Variants in COQ10A observed in about 807,000 individuals in gnomAD.
The protein encoded by COQ10A is coenzyme Q10A.
COQ10A carries 25 observed loss-of-function variants against 26.1 expected under a neutral mutation model. That is an observed-to-expected ratio of 0.96 (90% CI 0.70 to 1.34). The LOEUF (loss-of-function observed/expected upper bound fraction) is 1.34. Among genes scored for constraint, COQ10A ranks in the 40% most tolerant of loss-of-function variants. The pLI is 0.00. For synonymous variants in COQ10A, 132 were observed against 124.0 expected, an observed-to-expected ratio of 1.06 and a Z score of -0.43; for missense variants, 312 against 335.4, an observed-to-expected ratio of 0.93 and a Z score of 0.54.
rs761573574 is a variant in COQ10A at position 56,267,776 on chromosome 12, T to G, written c.135-18T>G. The G allele has an allele frequency of 4.3e-6, 7 of 1,614,188 alleles. No homozygotes were observed. The Admixed American group carries it at 1.2e-4, about 27-fold the overall frequency. On this transcript the variant is annotated intron_variant, in intron 1 of 4. Coordinates refer to ENST00000308197, the MANE Select transcript of COQ10A (RefSeq NM_144576.4). The stretch of plus-strand genomic sequence containing the variant: ...TACGAAGAACTATACGGTTGGCTCC[T>G]CTTTCCTTTGGCCTTAGGTTTCTGA...
rs373256704 is a variant in COQ10A at position 56,270,300 on chromosome 12, G to A, written c.727G>A (p.Glu243Lys). Residue 243 changes from glutamate to lysine, a missense_variant, in exon 5 of 5, where the codon GAG (glutamate) becomes AAG (lysine). Physicochemically the swap from Glu to Lys is moderately conservative, Grantham distance 56 (BLOSUM62 1). Coordinates refer to ENST00000308197, the MANE Select transcript of COQ10A (RefSeq NM_144576.4). ...CATCCCCCGTGAACTGATGTTCCAT[G>A]AGGTGCACCAGACTTGAGGCAAGGG... ...TAIPRELMFHEVHQT is the reference protein window; with the variant it reads ...TAIPRELMFHKVHQT 2 of 1,614,068 alleles carry A rather than the reference G, an allele frequency of 1.2e-6. No homozygotes were observed. The highest frequency in any genetic ancestry group is 1.7e-6 in the Non-Finnish European group (2 of 1,179,970).
chr12:56,268,042 C>A, intron 2 of COQ10A, 102 bp downstream of exon 2: 1 of 1,408,628 alleles, frequency 7.1e-7, no homozygotes, highest in Non-Finnish European at 9.8e-7. Context: ...AGATTCATCC[C>A]TAGCCATCCC....
chr12:56,270,398 C>A lies in COQ10A; in HGVS notation c.*81C>A. ...TATTTATTTGGTTTGGCTCCTGTTC[C>A]AATTTGAAAGGAGTCTGTGTTCATA... is the stretch of plus-strand genomic sequence containing the variant. On this transcript the variant is annotated 3_prime_UTR_variant, in exon 5 of 5. Transcript: ENST00000308197. 1.4e-6 allele frequency: 2 copies of A among 1,432,862 alleles called. No homozygotes were observed. Among genetic ancestry groups the A allele is most frequent in the East Asian group, 2.3e-5 (1 of 42,950 alleles). The allele number at this position is 1,432,862 out of a possible 1,614,324, so 88.8% of individuals were successfully genotyped here. A position where few individuals can be genotyped will look rare whatever the true frequency, so the allele number is the denominator to read the frequency against.
chr12:56,267,658 C>T, intron 1 of COQ10A, 136 bp from the exon 2 acceptor site: 2 of 1,294,880 alleles, frequency 1.5e-6, no homozygotes, highest in South Asian at 2.4e-5. Flanking sequence ...GAGAGCCTAG[C>T]GGGCTGCAGC....
In COQ10A at chr12:56,270,586, A is replaced by G. The variant is rs1311101870; in HGVS notation, c.*269A>G. On this transcript the variant is annotated 3_prime_UTR_variant, in exon 5 of 5. Transcript: ENST00000308197. ...TGCAGCCTTTTCACTACGAATTAGA[A>G]TAAGGACTATGTGGTTGTCTCTGGA... 2.3e-5 allele frequency: 9 copies of G among 396,148 alleles called. No individual in the cohort carries two copies. Among genetic ancestry groups the G allele is most frequent in the Non-Finnish European group, 4.6e-6 (1 of 218,308 alleles). The allele number at this position is 396,148 out of a possible 1,614,324, so 24.5% of individuals were successfully genotyped here.
chr12:56,268,886 T>C (rs781504982), intron 2 of COQ10A, 173 bp from the exon 3 acceptor site: 2 of 595,082 alleles, frequency 3.4e-6, no homozygotes, highest in Non-Finnish European at 6.1e-6. Context: ...AAGGTAACAG[T>C]ATCATAAGGA....
rs539883215 is a variant in COQ10A at position 56,269,109 on chromosome 12, G to C, written c.332G>C (p.Arg111Pro). ...GTGGTGTCCAACGTCCAGGAGTATCGTGAGTTTGTGCCCTGGTGTAAGAAG... is the reference window on the plus strand; with the variant it reads ...GTGGTGTCCAACGTCCAGGAGTATCCTGAGTTTGTGCCCTGGTGTAAGAAG... ...YEVVSNVQEY[R>P]EFVPWCKKSL... The change falls in exon 3 of 5, where the codon CGT (arginine) becomes CCT (proline). Residue 111 changes from arginine to proline, a missense_variant. Coordinates refer to ENST00000308197, the MANE Select transcript of COQ10A (RefSeq NM_144576.4). The C allele has an allele frequency of 1.2e-6, 2 of 1,614,076 alleles. No homozygotes were observed. The highest frequency in any genetic ancestry group is 1.7e-6 in the Non-Finnish European group (2 of 1,180,014).
chr12:56,268,396 G>C (rs1241041846), intron 2 of COQ10A: 1 of 171,746 alleles, frequency 5.8e-6, no homozygotes, highest in African/African-American at 2.4e-5. Flanking sequence ...CAGGATAATC[G>C]CTGGAACCTG....
rs1397063488 is a variant in COQ10A at position 56,270,368 on chromosome 12, T to C, written c.*51T>C. On this transcript the variant is annotated 3_prime_UTR_variant, in exon 5 of 5. Transcript: ENST00000308197. Reference sequence around the variant, plus strand: ...CTTCTACCCCACTTCCCTACACAATTCTCTTATTTATTTGGTTTGGCTCCT... The same window carrying C: ...CTTCTACCCCACTTCCCTACACAATCCTCTTATTTATTTGGTTTGGCTCCT... 1 of 1,554,166 alleles carries C rather than the reference T, an allele frequency of 6.4e-7. No individual in the cohort carries two copies. Among genetic ancestry groups the C allele is most frequent in the South Asian group, 1.2e-5 (1 of 85,874 alleles).
At position 56,267,022 on chromosome 12, in the gene COQ10A, C is replaced by G; in HGVS notation, c.-97C>G. On this transcript the variant is annotated 5_prime_UTR_variant, in exon 1 of 5. Transcript: ENST00000308197. The stretch of plus-strand genomic sequence containing the variant: ...CCCGTCGCCCCTGCGCTCAGAGGTC[C>G]CGAACCAGCCCAGCCGCTGCCTCTT... 8.5e-7 allele frequency: 1 copy of G among 1,180,496 alleles called. No individual in the cohort carries two copies. Among genetic ancestry groups the G allele is most frequent in the East Asian group, 3.7e-5 (1 of 27,338 alleles). 73.1% of individuals were successfully genotyped at this position (1,180,496 alleles called of 1,614,324 possible). A position where few individuals can be genotyped will look rare whatever the true frequency, so the allele number is the denominator to read the frequency against.
chr12:56,267,351 A>T, intron 1 of COQ10A, 99 bp downstream of exon 1: 1 of 1,613,338 alleles, frequency 6.2e-7, no homozygotes, highest in Non-Finnish European at 8.5e-7. Flanking sequence ...CGCGGCGGGG[A>T]CTGGCAGCAA....
chr12:56,267,936 A>G lies in COQ10A; in HGVS notation c.277A>G (p.Met93Val). 6.2e-7 allele frequency: 1 copy of G among 1,614,078 alleles called. No individual in the cohort carries two copies. The highest frequency in any genetic ancestry group is 2.2e-5 in the East Asian group (1 of 44,870). Residue 93 changes from methionine to valine, a missense_variant, in exon 2 of 5, where the codon ATG (methionine) becomes GTG (valine). By Grantham distance (21) the Met-to-Val change is conservative. Coordinates refer to ENST00000308197, the MANE Select transcript of COQ10A (RefSeq NM_144576.4). Reference sequence around the variant, plus strand: ...AAAGGCTTACTCGGAGCGTAGAATCATGGGGTAAGCATTCTCTGCCTTGCA... The same window carrying G: ...AAAGGCTTACTCGGAGCGTAGAATCGTGGGGTAAGCATTCTCTGCCTTGCA... ...KRKAYSERRI[M>V]GYSMQEMYEV...
At chr12:56,269,281 A>G in intron 3 of COQ10A, 30 bp downstream of exon 3, 2 of 1,602,158 alleles carry the variant, frequency 1.2e-6, no homozygotes, top group African/African-American at 2.7e-5. Flanking sequence ...GATTGACAAG[A>G]TTTTTTGTTT....
At chr12:56,268,187 G>A (rs1872407702) in intron 2 of COQ10A, 7 of 522,962 alleles carry the variant, frequency 1.3e-5, no homozygotes, top group East Asian at 7.1e-5. Flanking sequence ...ACAACAGGGC[G>A]TAGCTGGGTG....
At chr12:56,270,011 C>A in intron 4 of COQ10A, 139 bp from the exon 5 acceptor site, 1 of 808,348 alleles carries the variant, frequency 1.2e-6, no homozygotes. Context: ...GTGCTCAGTC[C>A]CAAGTTAGGG....
intron 2 of COQ10A, 175 bp downstream of exon 2, chr12:56,268,115 C>A: frequency 2.5e-6 from 2 of 811,776 alleles, no homozygotes; most frequent in Non-Finnish European, 3.9e-6. Flanking sequence ...TTAATTTCTC[C>A]CTTCTTGGTT....
intron 1 of COQ10A, 72 bp downstream of exon 1, chr12:56,267,324 C>A: frequency 6.2e-7 from 1 of 1,612,526 alleles, no homozygotes; most frequent in Non-Finnish European, 8.5e-7. Flanking sequence ...TGGAGGGGTG[C>A]TATACTGGGA....
At chr12:56,267,737 A>T in intron 1 of COQ10A, 57 bp from the exon 2 acceptor site, 1 of 1,610,992 alleles carries the variant, frequency 6.2e-7, no homozygotes, top group South Asian at 1.1e-5. Context: ...CTTCACCTAC[A>T]AATGATAGAG....
Position 56,267,814 on chromosome 12 carries a change from T to TC in COQ10A, c.157dup (p.Leu53ProfsTer12). 1 of 1,614,150 alleles carries TC rather than the reference T, an allele frequency of 6.2e-7. No homozygotes were observed. The highest frequency in any genetic ancestry group is 8.5e-7 in the Non-Finnish European group (1 of 1,180,028). The stretch of plus-strand genomic sequence containing the variant: ...CTTAGGTTTCTGACCTCCTGCAGCC[T>TC]CCTCTTGCCTCGGGCTGCCCAGATC... On this transcript the variant is annotated frameshift_variant, in exon 2 of 5. Coordinates refer to ENST00000308197, the MANE Select transcript of COQ10A (RefSeq NM_144576.4). LOFTEE classifies it high-confidence loss of function.
Sources: gnomAD v4.1 joint callset for allele counts on GRCh38, gnomAD v4.1.1 for gene constraint, MANE v1.5 for transcripts, NCBI Gene and HGNC (gene_info 2026-07-23, HGNC 2026-07-21) for gene names.